DDX39B: variants seen among roughly 807,000 people sequenced by gnomAD.
DDX39B encodes spliceosome RNA helicase DDX39B.
In DDX39B, 6 loss-of-function variants were observed where a neutral mutation model predicts 46.4. That is an observed-to-expected ratio of 0.13 (90% CI 0.07 to 0.26). The LOEUF is 0.26. Ranked by LOEUF, DDX39B falls within the 10% of genes least tolerant of loss-of-function variation. DDX39B has a pLI of 1.00. For missense variants in DDX39B, 185 were observed against 553.4 expected (o/e 0.33, Z 6.68); for synonymous variants, 174 against 199.4 (o/e 0.87, Z 1.07).
intron 2 of DDX39B, among the ~76,000 whole-genome samples, chr6:31,539,995 T>C (rs994986600): frequency 2.0e-5 from 3 of 152,238 alleles, no homozygotes; most frequent in African/African-American, 7.2e-5. Flanking sequence ...CCTGATTTTT[T>C]CTTCCTCACT....
intron 2 of DDX39B, 41 bp from the exon 3 acceptor site, chr6:31,539,315 C>G: frequency 1.9e-6 from 3 of 1,595,694 alleles, no homozygotes; most frequent in Non-Finnish European, 2.6e-6. Flanking sequence ...AGACTTCAGT[C>G]TCCAGATAAC....
At position 31,535,535 on chromosome 6, in the gene DDX39B, A is replaced by T. The variant is rs943788740; in HGVS notation, c.617-50T>A. 2.7e-6 allele frequency: 4 copies of T among 1,483,542 alleles called. No homozygotes were observed. The highest frequency in any genetic ancestry group is 1.1e-5 in the South Asian group (1 of 87,018). 91.9% of individuals were successfully genotyped at this position (1,483,542 alleles called of 1,614,324 possible). ...TAGGAGAAAATAAGCAGGTATGATA[A>T]ACAAAGATTAGAGGTAGACTTCCCA... On this transcript the variant is annotated intron_variant, in intron 5 of 10. Transcript: ENST00000396172. This position sits in a 1 kb window ranked among gnomAD's most constrained non-coding sequence, Gnocchi z 4.6.
At chr6:31,533,888 C>T (rs540463214) in intron 6 of DDX39B, 1 of 152,360 alleles carries the variant, frequency 6.6e-6, no homozygotes, top group African/African-American at 2.4e-5. Context: ...CCCAACTTTC[C>T]TAACACTTTT....
At chr6:31,533,999 A>C (rs1037142952) in intron 6 of DDX39B, 1 of 152,384 alleles carries the variant, frequency 6.6e-6, no homozygotes, top group African/African-American at 2.4e-5. Context: ...CAATCCCAGA[A>C]GGCAGGTTTT....
At chr6:31,541,860 G>T (rs938933434) in intron 1 of DDX39B, 90 bp downstream of exon 1, 10 of 636,998 alleles carry the variant, frequency 1.6e-5, no homozygotes, top group Non-Finnish European at 2.6e-5. Context: ...CCAGACCATC[G>T]CCTGTGAAAA....
intron 4 of DDX39B, among the ~76,000 whole-genome samples, chr6:31,538,508 T>C (rs1768034256): frequency 6.6e-6 from 1 of 152,148 alleles, no homozygotes; most frequent in Non-Finnish European, 1.5e-5. Context: ...GTTTCCGGCT[T>C]TCTCTGCCAC....
intron 6 of DDX39B, chr6:31,533,781 C>T (rs1055384): frequency 0.13 from 19,797 of 152,154 alleles, 1,421 homozygotes; most frequent in Non-Finnish European, 0.16. Context: ...GGACTACAGG[C>T]ACACACCATT....
intron 1 of DDX39B, chr6:31,541,205 C>G (rs1388577411): frequency 1.9e-6 from 1 of 533,644 alleles, no homozygotes; most frequent in South Asian, 1.4e-5. Context: ...TAGCTCTCAG[C>G]CTCCCACTTC....
chr6:31,539,678 A>G (rs1388762257), intron 2 of DDX39B, among the ~76,000 whole-genome samples: 5 of 152,196 alleles, frequency 3.3e-5, no homozygotes, highest in African/African-American at 1.2e-4. Flanking sequence ...AACCCTGGAC[A>G]AAATGAAGGA....
Position 31,532,831 on chromosome 6 carries a change from G to A in DDX39B, c.816C>T (p.Asn272=), listed in dbSNP as rs1253665565. The A allele has an allele frequency of 1.4e-5, 22 of 1,603,488 alleles. No homozygotes were observed. Among genetic ancestry groups the A allele is most frequent in the Admixed American group, 3.4e-5 (2 of 59,594 alleles). The change falls in exon 7 of 11, where the codon AAC becomes AAT. Residue 272 remains asparagine (N), a synonymous_variant. Transcript: ENST00000396172. ...GGTCAAAGAGCTTCCGGTTCTTCTCGTTGTCCTTCAGTTTCACGTAGTACT... is the reference window on the plus strand; with the variant it reads ...GGTCAAAGAGCTTCCGGTTCTTCTCATTGTCCTTCAGTTTCACGTAGTACT... ...LQQYYVKLKD[N]EKNRKLFDLL...
Position 31,534,385 on chromosome 6 carries a change from G to C in DDX39B, c.735+982C>G. 2.3e-6 allele frequency: 1 copy of C among 437,258 alleles called. No homozygotes were observed. Among genetic ancestry groups the C allele is most frequent in the Non-Finnish European group, 4.7e-6 (1 of 213,276 alleles). The allele number at this position is 437,258 out of a possible 1,614,324, so 27.1% of individuals were successfully genotyped here. A position where few individuals can be genotyped will look rare whatever the true frequency, so the allele number is the denominator to read the frequency against. Reference sequence around the variant, plus strand: ...CAGCTAAAGAGTGATCATCCCACGGGAAGGAACACTGCAGGGAGGGGAAGA... The same window carrying C: ...CAGCTAAAGAGTGATCATCCCACGGCAAGGAACACTGCAGGGAGGGGAAGA... On this transcript the variant is annotated intron_variant, in intron 6 of 10. Transcript: ENST00000396172. This position sits in a 1 kb window ranked among gnomAD's most constrained non-coding sequence, Gnocchi z 5.1.
chr6:31,532,185 A>C (rs1449938956), intron 7 of DDX39B, among the ~76,000 whole-genome samples: 1 of 152,206 alleles, frequency 6.6e-6, no homozygotes, highest in African/African-American at 2.4e-5. Flanking sequence ...TAAACATTCA[A>C]GAACCCTAAC....
chr6:31,530,406 C>T lies in DDX39B; in HGVS notation c.*28G>A, dbSNP rs369867107. ...CTGGTGTCCTCTCCTGAAGGACAGA[C>T]GGTCACATTCCAAAATGGGCGAGTC... On this transcript the variant is annotated 3_prime_UTR_variant, in exon 11 of 11. Transcript: ENST00000396172. This position sits in a 1 kb window ranked among gnomAD's most constrained non-coding sequence, Gnocchi z 4.5. 7.6e-5 allele frequency: 122 copies of T among 1,612,524 alleles called. No individual in the cohort carries two copies. In the Admixed American group the frequency reaches 1.1e-3, roughly 14 times the overall value.
At chr6:31,541,435 C>T in intron 1 of DDX39B, 1 of 370,274 alleles carries the variant, frequency 2.7e-6, no homozygotes, top group South Asian at 2.1e-5. Flanking sequence ...GAAGGTGAGA[C>T]TCCTTTTGGA....
chr6:31,535,319 G>A lies in DDX39B; in HGVS notation c.735+48C>T. 1 of 1,558,544 alleles carries A rather than the reference G, an allele frequency of 6.4e-7. No individual in the cohort carries two copies. Among genetic ancestry groups the A allele is most frequent in the African/African-American group, 1.4e-5 (1 of 73,900 alleles). Reference sequence around the variant, plus strand: ...TGAGGAAGAGGGCGAGGAAGGGGAGGAGGCAGCGGGCGGGGAGTGGAGGGA... The same window carrying A: ...TGAGGAAGAGGGCGAGGAAGGGGAGAAGGCAGCGGGCGGGGAGTGGAGGGA... On this transcript the variant is annotated intron_variant, in intron 6 of 10. Transcript: ENST00000396172. The surrounding 1 kb of genome is among the most constrained non-coding windows in gnomAD (Gnocchi z 4.6).
Position 31,530,382 on chromosome 6 carries a change from TG to T in DDX39B, c.*51del, listed in dbSNP as rs1767019553. ...AGTAGTGTCTCCTTCACCCCCACCC[TG>T]GTGTCCTCTCCTGAAGGACAGACGG... On this transcript the variant is annotated 3_prime_UTR_variant, in exon 11 of 11. Coordinates refer to ENST00000396172, the MANE Select transcript of DDX39B (RefSeq NM_004640.7). The surrounding 1 kb of genome is among the most constrained non-coding windows in gnomAD (Gnocchi z 4.5). 1 of 1,610,208 alleles carries T rather than the reference TG, an allele frequency of 6.2e-7. No homozygotes were observed. The highest frequency in any genetic ancestry group is 8.5e-7 in the Non-Finnish European group (1 of 1,178,346).
chr6:31,536,842 C>A (rs1386036009), intron 4 of DDX39B, among the ~76,000 whole-genome samples, 159 bp from the exon 5 acceptor site: 1 of 152,210 alleles, frequency 6.6e-6, no homozygotes. Context: ...GTCCCCCCCA[C>A]CAAACACTGA....
At position 31,531,950 on chromosome 6, in the gene DDX39B, T is replaced by C. The variant is rs1767214192; in HGVS notation, c.868-545A>G. Among the ~76,000 whole-genome samples, 1 of 152,150 alleles carries C rather than the reference T, an allele frequency of 6.6e-6. No homozygotes were observed. Among genetic ancestry groups the C allele is most frequent in the African/African-American group, 2.4e-5 (1 of 41,444 alleles). On this transcript the variant is annotated intron_variant, in intron 7 of 10. Coordinates refer to ENST00000396172, the MANE Select transcript of DDX39B (RefSeq NM_004640.7). The surrounding 1 kb of genome is among the most constrained non-coding windows in gnomAD (Gnocchi z 5.8). ...CTTCCACCTCAGCATCCCAAGCAGC[T>C]GGGACCACAGGTGCACACCACCACG...
chr6:31,535,976 T>C lies in DDX39B; in HGVS notation c.617-491A>G, dbSNP rs1259879666. ...TTTGTAATGACTTATGGGGCCTATG[T>C]CCAACCCCACTCTCATTCACCAAGA... On this transcript the variant is annotated intron_variant, in intron 5 of 10. Transcript: ENST00000396172. This position sits in a 1 kb window ranked among gnomAD's most constrained non-coding sequence, Gnocchi z 4.6. Among the ~76,000 whole-genome samples, 1 of 152,198 alleles carries C rather than the reference T, an allele frequency of 6.6e-6. No individual in the cohort carries two copies.
Sources: gnomAD v4.1 joint callset for allele counts (sites outside exome capture counted in the v4.1 genomes callset) on GRCh38, gnomAD v4.1.1 for gene constraint, Gnocchi (gnomAD v3.1) non-coding constraint, MANE v1.5 for transcripts, NCBI Gene and HGNC (gene_info 2026-07-23, HGNC 2026-07-21) for gene names.